The following PCDHGB4 variants were observed in gnomAD, a reference collection of about 807,000 sequenced individuals.
PCDHGB4 encodes protocadherin gamma-B4.
A neutral mutation model predicts 60.5 loss-of-function variants in PCDHGB4; 38 were observed. That is an observed-to-expected ratio of 0.63 (90% CI 0.48 to 0.82). PCDHGB4 has a LOEUF of 0.82. Ranked by LOEUF, PCDHGB4 falls within the 40% of genes least tolerant of loss-of-function variation. The pLI, the probability that PCDHGB4 is intolerant of heterozygous loss-of-function variation, is 0.00. For missense variants in PCDHGB4, 1,109 were observed against 1,209.6 expected, an observed-to-expected ratio of 0.92 and a Z score of 1.23; for synonymous variants, 456 against 509.7, an observed-to-expected ratio of 0.89 and a Z score of 1.42.
intron 1 of PCDHGB4, chr5:141,420,464 C>A: frequency 1.2e-6 from 1 of 801,488 alleles, no homozygotes; most frequent in South Asian, 4.0e-5. Flanking sequence ...TATTCAAAGA[C>A]ATTTTAAAGC....
intron 1 of PCDHGB4, among the ~76,000 whole-genome samples, chr5:141,456,842 A>G (rs1374546355): frequency 6.6e-6 from 1 of 152,150 alleles, no homozygotes; most frequent in African/African-American, 2.4e-5. Flanking sequence ...GGGCGCCTGT[A>G]ATCCCAGCTA....
At chr5:141,464,870 C>G (rs1488189681) in intron 1 of PCDHGB4, among the ~76,000 whole-genome samples, 1 of 152,126 alleles carries the variant, frequency 6.6e-6, no homozygotes, top group Non-Finnish European at 1.5e-5. Flanking sequence ...TCCCAAGTAG[C>G]TAGGACTACA....
chr5:141,507,631 C>A (rs1435446169), intron 3 of PCDHGB4, among the ~76,000 whole-genome samples: 1 of 152,236 alleles, frequency 6.6e-6, no homozygotes, highest in Non-Finnish European at 1.5e-5. Context: ...TGTGGCCTTG[C>A]GCCCTGAGGC....
intron 1 of PCDHGB4, chr5:141,492,018 G>A: frequency 1.7e-6 from 1 of 585,594 alleles, no homozygotes; most frequent in Admixed American, 3.7e-5. Flanking sequence ...GGGTGTCGGG[G>A]GTCCCGGGAG....
intron 1 of PCDHGB4, chr5:141,420,410 A>G (rs2096494809): frequency 2.4e-6 from 3 of 1,236,296 alleles, no homozygotes; most frequent in South Asian, 4.4e-5. Flanking sequence ...TATGGTTATC[A>G]TTATTAAAAC....
At chr5:141,393,806 C>CA in intron 1 of PCDHGB4, 12 of 1,613,866 alleles carry the variant, frequency 7.4e-6, no homozygotes, top group Non-Finnish European at 1.0e-5. Flanking sequence ...TGGGGAGGAC[C>CA]AAATTGCTCA....
intron 1 of PCDHGB4, chr5:141,426,750 G>A (rs1287163824): frequency 2.2e-6 from 1 of 456,160 alleles, no homozygotes; most frequent in Non-Finnish European, 4.4e-6. Context: ...CCTGGAATCT[G>A]CTATAGATGC....
chr5:141,400,099 T>G (rs574278907), intron 1 of PCDHGB4: 1 of 1,614,072 alleles, frequency 6.2e-7, no homozygotes, highest in African/African-American at 1.3e-5. Flanking sequence ...CACGCTGCAC[T>G]TGGTCTTTGC....
rs766164142 is a variant in PCDHGB4, at chr5:141,477,910, G to T, written c.2398-16897G>T. ...TGTCACGGGTGGTAGGCTGGGACGC[G>T]GATGCAGGGCACAATGCCTGGCTCT... On this transcript the variant is annotated intron_variant, in intron 1 of 3. Transcript: ENST00000519479. This position sits in a 1 kb window ranked among gnomAD's most constrained non-coding sequence, Gnocchi z 4.9. The T allele has an allele frequency of 6.2e-7, 1 of 1,614,048 alleles. No individual in the cohort carries two copies. Among genetic ancestry groups the T allele is most frequent in the African/African-American group, 1.3e-5 (1 of 74,932 alleles).
intron 1 of PCDHGB4, chr5:141,408,124 G>A: frequency 1.4e-6 from 2 of 1,478,862 alleles, no homozygotes; most frequent in Non-Finnish European, 1.8e-6. Context: ...CCTGTCCTGG[G>A]CCGAATGCTC....
At chr5:141,440,558 T>C (rs546919141) in intron 1 of PCDHGB4, 1 of 152,350 alleles carries the variant, frequency 6.6e-6, no homozygotes, top group East Asian at 1.9e-4. Context: ...TGTTATTAAG[T>C]TACGTATCTC....
intron 1 of PCDHGB4, among the ~76,000 whole-genome samples, chr5:141,397,240 T>C (rs1291416263): frequency 6.6e-6 from 1 of 152,176 alleles, no homozygotes; most frequent in Non-Finnish European, 1.5e-5. Flanking sequence ...AAGAGCAACG[T>C]AGTAGGGTAT....
rs537985555 is a variant in PCDHGB4 at position 141,449,278 on chromosome 5, C to A, written c.2398-45529C>A. On this transcript the variant is annotated intron_variant, in intron 1 of 3. Coordinates refer to ENST00000519479, the MANE Select transcript of PCDHGB4 (RefSeq NM_003736.4). ...TGTACAAAGAACTGTATCTCCTTCA[C>A]CCGGATGCACCGGGTGAATTATATG... Among the ~76,000 whole-genome samples the A allele has an allele frequency of 4.6e-5, 7 of 152,166 alleles. No homozygotes were observed. In the South Asian group the frequency reaches 1.5e-3, roughly 32 times the overall value.
chr5:141,423,131 A>C (rs370773437), intron 1 of PCDHGB4: 1 of 1,613,538 alleles, frequency 6.2e-7, no homozygotes. Flanking sequence ...GCACTGCTGG[A>C]CAGAGACGCG....
Position 141,477,304 on chromosome 5 carries a change from T to C in PCDHGB4, c.2398-17503T>C. The C allele has an allele frequency of 6.2e-7, 1 of 1,614,160 alleles. No individual in the cohort carries two copies. Among genetic ancestry groups the C allele is most frequent in the Non-Finnish European group, 8.5e-7 (1 of 1,180,030 alleles). ...CCTGCGAAGTTCCACCGGGTCTCCCTTTCAGCCTTACTTCTTCCCTCAAGA... is the reference window on the plus strand; with the variant it reads ...CCTGCGAAGTTCCACCGGGTCTCCCCTTCAGCCTTACTTCTTCCCTCAAGA... On this transcript the variant is annotated intron_variant, in intron 1 of 3. Transcript: ENST00000519479. This position sits in a 1 kb window ranked among gnomAD's most constrained non-coding sequence, Gnocchi z 4.9.
intron 1 of PCDHGB4, chr5:141,418,451 A>AG (rs2096259161): frequency 3.1e-6 from 5 of 1,614,046 alleles, no homozygotes; most frequent in Non-Finnish European, 4.2e-6. Context: ...AGTATTGCAG[A>AG]AGACTCTGGA....
At chr5:141,469,191 G>A (rs1431459571) in intron 1 of PCDHGB4, among the ~76,000 whole-genome samples, 1 of 151,882 alleles carries the variant, frequency 6.6e-6, no homozygotes, top group Admixed American at 6.6e-5. Flanking sequence ...CAAGAGGATT[G>A]CTTGAGCCTT....
chr5:141,499,836 A>G (rs2099794751), intron 2 of PCDHGB4, among the ~76,000 whole-genome samples: 1 of 151,894 alleles, frequency 6.6e-6, no homozygotes, highest in African/African-American at 2.4e-5. Flanking sequence ...ACAGGTGTGC[A>G]CCACCACACA....
chr5:141,492,471 C>T (rs937691695), intron 1 of PCDHGB4, among the ~76,000 whole-genome samples: 8 of 152,240 alleles, frequency 5.3e-5, no homozygotes, highest in Non-Finnish European at 1.0e-4. Flanking sequence ...GGTCCCAGAT[C>T]GCGGCCGCCC....
Sources: allele counts gnomAD v4.1 joint callset (sites outside exome capture counted in the v4.1 genomes callset), GRCh38; gene constraint gnomAD v4.1.1; non-coding constraint Gnocchi (gnomAD v3.1); transcripts MANE v1.5; gene names NCBI Gene and HGNC (gene_info 2026-07-23, HGNC 2026-07-21).